The following EDAR variants were observed in gnomAD, a reference collection of about 807,000 sequenced individuals.
The protein encoded by EDAR is ectodysplasin A receptor, also known as tumor necrosis factor receptor superfamily member EDAR.
Under a neutral mutation model 51.3 loss-of-function variants are expected in EDAR, and 38 were observed. That is an observed-to-expected ratio of 0.74 (90% CI 0.57 to 0.97). The LOEUF is 0.97. Among genes scored for constraint, EDAR ranks in the 50% least tolerant of loss-of-function variants. The pLI is 0.00. For synonymous variants in EDAR, 227 were observed against 242.1 expected, an observed-to-expected ratio of 0.94 and a Z score of 0.58; for missense variants, 528 against 595.0, an observed-to-expected ratio of 0.89 and a Z score of 1.17.
chr2:108,935,755 C>A (rs1166073824), intron 1 of EDAR, among the ~76,000 whole-genome samples: 1 of 152,214 alleles, frequency 6.6e-6, no homozygotes, highest in Non-Finnish European at 1.5e-5. Flanking sequence ...ATGTGGCAAT[C>A]TTATAGGCCC....
intron 1 of EDAR, chr2:108,940,074 G>C (rs1335768597): frequency 6.6e-6 from 1 of 152,288 alleles, no homozygotes; most frequent in African/African-American, 2.4e-5. Flanking sequence ...CAATTTGACT[G>C]AGACGATAGC....
At chr2:108,983,214 A>G (rs17269487) in intron 1 of EDAR, among the ~76,000 whole-genome samples, 68,268 of 152,080 alleles carry the variant, frequency 0.45, 18,011 homozygotes, top group South Asian at 0.68. Flanking sequence ...ACTCTGATTT[A>G]TCTTCTTCAT....
At chr2:108,958,409 G>GA (rs796196366) in intron 1 of EDAR, among the ~76,000 whole-genome samples, 2,695 of 145,670 alleles carry the variant, frequency 0.019, 80 homozygotes, top group African/African-American at 0.062. Flanking sequence ...CCTTCAGCAG[G>GA]AAAAAAAAAA....
chr2:108,935,034 T>G (rs1408462277), intron 1 of EDAR, among the ~76,000 whole-genome samples: 1 of 152,238 alleles, frequency 6.6e-6, no homozygotes, highest in Non-Finnish European at 1.5e-5. Context: ...AAGCGTCACC[T>G]GTTGGTTACC....
At chr2:108,930,294 T>C in intron 2 of EDAR, 52 bp from the exon 3 acceptor site, 1 of 1,612,734 alleles carries the variant, frequency 6.2e-7, no homozygotes, top group Non-Finnish European at 8.5e-7. Context: ...GAAACACATG[T>C]GACTCCTGCA....
chr2:108,929,503 G>A, intron 3 of EDAR, 124 bp from the exon 4 acceptor site: 1 of 1,041,190 alleles, frequency 9.6e-7, no homozygotes, highest in Non-Finnish European at 1.5e-6. Context: ...CCGGGCCTTG[G>A]TTTCCTGAGT....
intron 5 of EDAR, among the ~76,000 whole-genome samples, chr2:108,913,100 C>T (rs527906309): frequency 1.3e-5 from 2 of 151,976 alleles, no homozygotes; most frequent in Non-Finnish European, 2.9e-5. Context: ...AGGCACCCAC[C>T]ACCACACCTG....
chr2:108,983,556 C>T (rs192239380), intron 1 of EDAR, among the ~76,000 whole-genome samples: 19 of 152,298 alleles, frequency 1.2e-4, no homozygotes, highest in Admixed American at 9.2e-4. Context: ...AGTCAACAAT[C>T]CCGCCCTTCC....
At chr2:108,916,876 T>C (rs543980161) in intron 5 of EDAR, among the ~76,000 whole-genome samples, 1 of 152,164 alleles carries the variant, frequency 6.6e-6, no homozygotes, top group South Asian at 2.1e-4. Flanking sequence ...GAGACACTTC[T>C]CACAAGACTG....
Position 108,896,802 on chromosome 2 carries a change from T to G in EDAR, c.*105A>C. 1 of 1,163,364 alleles carries G rather than the reference T, an allele frequency of 8.6e-7. No individual in the cohort carries two copies. Among genetic ancestry groups the G allele is most frequent in the South Asian group, 1.4e-5 (1 of 69,766 alleles). 72.1% of individuals were successfully genotyped at this position (1,163,364 alleles called of 1,614,324 possible). A position where few individuals can be genotyped will look rare whatever the true frequency, so the allele number is the denominator to read the frequency against. On this transcript the variant is annotated 3_prime_UTR_variant, in exon 12 of 12. Transcript: ENST00000258443. ...ACATCCTAAGGCATACGGTGACATA[T>G]CACAAAAGCCTTGATTCTTGGCAGT...
chr2:108,908,051 TGCCTGGGGGGGCTGCAG>T, intron 9 of EDAR, 32 bp from the exon 10 acceptor site: 1 of 1,584,796 alleles, frequency 6.3e-7, no homozygotes, highest in Non-Finnish European at 8.6e-7. Context: ...TCATTAGCAG[TGCCTGGGGGGGCTGCAG>T]CCCTGACAAG....
chr2:108,960,023 G>A (rs764610189), intron 1 of EDAR, among the ~76,000 whole-genome samples: 6 of 152,120 alleles, frequency 3.9e-5, no homozygotes, highest in African/African-American at 7.2e-5. Context: ...ATGCACTAAC[G>A]TGGCCACGGT....
chr2:108,939,118 G>T (rs1208510589), intron 1 of EDAR, among the ~76,000 whole-genome samples: 1 of 151,992 alleles, frequency 6.6e-6, no homozygotes, highest in Non-Finnish European at 1.5e-5. Context: ...ATGAAGTTTT[G>T]TTGAAACATG....
chr2:108,927,117 A>G (rs369022101), intron 4 of EDAR, among the ~76,000 whole-genome samples: 1 of 152,186 alleles, frequency 6.6e-6, no homozygotes, highest in East Asian at 1.9e-4. Flanking sequence ...CATGGAGCCA[A>G]CCTGGAAACT....
At chr2:108,930,556 G>A (rs1341663060) in intron 2 of EDAR, among the ~76,000 whole-genome samples, 1 of 152,110 alleles carries the variant, frequency 6.6e-6, no homozygotes, top group East Asian at 1.9e-4. Flanking sequence ...TGGAGGAGGC[G>A]CCCCTGTCCC....
At chr2:108,962,099 C>T (rs974908149) in intron 1 of EDAR, among the ~76,000 whole-genome samples, 4 of 152,282 alleles carry the variant, frequency 2.6e-5, no homozygotes, top group Non-Finnish European at 5.9e-5. Context: ...CAAAGATGTC[C>T]AAGTGAGACT....
At chr2:108,898,678 C>T (rs1696645514) in intron 11 of EDAR, among the ~76,000 whole-genome samples, 1 of 152,084 alleles carries the variant, frequency 6.6e-6, no homozygotes. Context: ...AAAAGTGCTT[C>T]AACAAGCAAT....
At chr2:108,988,509 C>T (rs1698536472) in intron 1 of EDAR, among the ~76,000 whole-genome samples, 1 of 152,150 alleles carries the variant, frequency 6.6e-6, no homozygotes, top group Admixed American at 6.6e-5. Flanking sequence ...GACTGGAAAC[C>T]CCACTTGGAA....
chr2:108,966,466 C>A (rs4676223), intron 1 of EDAR, among the ~76,000 whole-genome samples: 79,704 of 152,152 alleles, frequency 0.52, 26,157 homozygotes, highest in South Asian at 0.78. Context: ...TATGCCTCAT[C>A]TCGCGGGCCC....
Sources: allele counts gnomAD v4.1 joint callset (sites outside exome capture counted in the v4.1 genomes callset), GRCh38; gene constraint gnomAD v4.1.1; transcripts MANE v1.5; gene names NCBI Gene and HGNC (gene_info 2026-07-23, HGNC 2026-07-21).